TNFRSF21: variants seen among roughly 807,000 people sequenced by gnomAD.
TNFRSF21 encodes TNF receptor superfamily member 21.
A neutral mutation model predicts 45.6 loss-of-function variants in TNFRSF21; 19 were observed. That is an observed-to-expected ratio of 0.42 (90% CI 0.29 to 0.61). TNFRSF21 has a LOEUF of 0.61. Ranked by LOEUF, TNFRSF21 falls within the 20% of genes least tolerant of loss-of-function variation. The pLI is 0.23. For missense variants in TNFRSF21, 737 were observed against 851.5 expected, an observed-to-expected ratio of 0.87 and a Z score of 1.67; for synonymous variants, 314 against 335.5, an observed-to-expected ratio of 0.94 and a Z score of 0.70.
At chr6:47,294,709 A>AG (rs1762771996) in intron 1 of TNFRSF21, among the ~76,000 whole-genome samples, 1 of 149,930 alleles carries the variant, frequency 6.7e-6, no homozygotes, top group Non-Finnish European at 1.5e-5. Context: ...TTTTTTTTTG[A>AG]GGGGGGCCAG....
At chr6:47,239,896 AC>A (rs1490290064) in intron 4 of TNFRSF21, among the ~76,000 whole-genome samples, 2 of 151,502 alleles carry the variant, frequency 1.3e-5, no homozygotes, top group Non-Finnish European at 2.9e-5. Context: ...CTTCCAAGTT[AC>A]CCCCACCTGA....
chr6:47,304,245 G>C (rs1762908397), intron 1 of TNFRSF21, among the ~76,000 whole-genome samples: 1 of 149,286 alleles, frequency 6.7e-6, no homozygotes, highest in South Asian at 2.1e-4. Context: ...CCCCTGAATA[G>C]TAATGATCTG....
chr6:47,293,564 C>T (rs1180342300), intron 1 of TNFRSF21, among the ~76,000 whole-genome samples: 3 of 152,176 alleles, frequency 2.0e-5, no homozygotes, highest in African/African-American at 7.2e-5. Context: ...TCTGTCAACA[C>T]CTGCACAGGG....
chr6:47,252,558 T>A (rs1306148486), intron 4 of TNFRSF21, among the ~76,000 whole-genome samples: 1 of 152,232 alleles, frequency 6.6e-6, no homozygotes, highest in Non-Finnish European at 1.5e-5. Flanking sequence ...CTCATCTTAA[T>A]CTTATATAGC....
chr6:47,278,978 C>T (rs914856319), intron 3 of TNFRSF21, among the ~76,000 whole-genome samples: 9 of 152,168 alleles, frequency 5.9e-5, no homozygotes, highest in African/African-American at 1.9e-4. Flanking sequence ...ACGAGGTATA[C>T]CCAATTCCTT....
intron 3 of TNFRSF21, among the ~76,000 whole-genome samples, chr6:47,282,299 C>T (rs142096404): frequency 2.7e-5 from 4 of 150,088 alleles, no homozygotes; most frequent in African/African-American, 7.5e-5. Flanking sequence ...GCAGGAGAAT[C>T]GCTTGAACCT....
chr6:47,266,015 C>T (rs912870713), intron 3 of TNFRSF21, among the ~76,000 whole-genome samples: 1 of 152,124 alleles, frequency 6.6e-6, no homozygotes, highest in Non-Finnish European at 1.5e-5. Context: ...TAATATTGTT[C>T]AAATATATCC....
chr6:47,297,508 T>C (rs767022018), intron 1 of TNFRSF21, among the ~76,000 whole-genome samples: 3 of 143,478 alleles, frequency 2.1e-5, no homozygotes, highest in African/African-American at 7.9e-5. Context: ...TTTCTCTTTT[T>C]ACTTTTTTTT....
intron 3 of TNFRSF21, among the ~76,000 whole-genome samples, chr6:47,254,580 C>T (rs1029038057): frequency 6.6e-6 from 1 of 152,134 alleles, no homozygotes; most frequent in African/African-American, 2.4e-5. Flanking sequence ...TTACCCAGAA[C>T]TGTCTAGGTA....
At position 47,309,574 on chromosome 6, in the gene TNFRSF21, T is replaced by C; in HGVS notation, c.-63A>G. 1 of 1,385,914 alleles carries C rather than the reference T, an allele frequency of 7.2e-7. No individual in the cohort carries two copies. The highest frequency in any genetic ancestry group is 9.3e-7 in the Non-Finnish European group (1 of 1,080,000). 85.9% of individuals were successfully genotyped at this position (1,385,914 alleles called of 1,614,324 possible). A position where few individuals can be genotyped will look rare whatever the true frequency, so the allele number is the denominator to read the frequency against. On this transcript the variant is annotated 5_prime_UTR_variant, in exon 1 of 6. Transcript: ENST00000296861. ...CGGGGCAGCTGGAATCGGCGGCTGC[T>C]TCTGCCCAGCGCCGCATCCACCGCC...
At chr6:47,267,476 C>A (rs946125725) in intron 3 of TNFRSF21, among the ~76,000 whole-genome samples, 3 of 152,142 alleles carry the variant, frequency 2.0e-5, no homozygotes, top group African/African-American at 7.2e-5. Flanking sequence ...GTTCCTAGTG[C>A]AGTTGTTGCC....
intron 4 of TNFRSF21, among the ~76,000 whole-genome samples, chr6:47,247,332 C>T (rs1185655833): frequency 6.6e-6 from 1 of 152,106 alleles, no homozygotes; most frequent in Non-Finnish European, 1.5e-5. Context: ...CTTAAATAAC[C>T]CTCCATGCTG....
rs552151562 is a variant in TNFRSF21, at chr6:47,234,890, A to C, written c.1518T>G (p.Thr506=). Residue 506 remains threonine (T), a synonymous_variant, in exon 5 of 6, where the codon ACT becomes ACG. Coordinates refer to ENST00000296861, the MANE Select transcript of TNFRSF21 (RefSeq NM_014452.5). ...GLMEDTTQLE[T]DKLALPMSPS... is the part of the protein sequence containing the mutation. ...GGCTCATCGGGAGAGCTAGTTTGTC[A>C]GTTTCCAGCTGTAGGAGGGAAAATT... 4.4e-6 allele frequency: 6 copies of C among 1,370,888 alleles called. No individual in the cohort carries two copies. The highest frequency in any genetic ancestry group is 7.9e-5 in the Admixed American group (2 of 25,404). 84.9% of individuals were successfully genotyped at this position (1,370,888 alleles called of 1,614,324 possible).
intron 1 of TNFRSF21, among the ~76,000 whole-genome samples, chr6:47,289,972 C>T (rs1020824265): frequency 9.9e-5 from 15 of 151,810 alleles, no homozygotes; most frequent in African/African-American, 2.2e-4. Context: ...CCACCCTGGG[C>T]GACAGAGTGA....
At chr6:47,257,606 T>C (rs1765006817) in intron 3 of TNFRSF21, among the ~76,000 whole-genome samples, 1 of 152,134 alleles carries the variant, frequency 6.6e-6, no homozygotes, top group South Asian at 2.1e-4. Context: ...AGGAGGACGA[T>C]TTGCCAAATT....
chr6:47,244,499 G>A (rs908582290), intron 4 of TNFRSF21, among the ~76,000 whole-genome samples: 6 of 152,058 alleles, frequency 3.9e-5, no homozygotes, highest in African/African-American at 1.2e-4. Flanking sequence ...TGTATACGGT[G>A]TTTTCTGGCT....
chr6:47,304,754 A>AT (rs1263793230), intron 1 of TNFRSF21, among the ~76,000 whole-genome samples: 1 of 152,016 alleles, frequency 6.6e-6, no homozygotes, highest in Admixed American at 6.6e-5. Context: ...TTTACGAGGA[A>AT]TTTTTTTTAT....
At chr6:47,248,224 G>T (rs1764850236) in intron 4 of TNFRSF21, among the ~76,000 whole-genome samples, 1 of 152,072 alleles carries the variant, frequency 6.6e-6, no homozygotes, top group African/African-American at 2.4e-5. Context: ...TAGCTGCAAA[G>T]CATCACTTTA....
At chr6:47,244,593 C>T (rs529352710) in intron 4 of TNFRSF21, among the ~76,000 whole-genome samples, 22 of 152,214 alleles carry the variant, frequency 1.4e-4, no homozygotes, top group African/African-American at 5.3e-4. Context: ...ATTATAAAAA[C>T]AAAACATTTC....
Sources: gnomAD v4.1 joint callset for allele counts (sites outside exome capture counted in the v4.1 genomes callset) on GRCh38, gnomAD v4.1.1 for gene constraint, MANE v1.5 for transcripts, NCBI Gene and HGNC (gene_info 2026-07-23, HGNC 2026-07-21) for gene names.